Variants in BRWD1 observed in about 807,000 individuals in gnomAD.
The protein encoded by BRWD1 is bromodomain and WD repeat-containing protein 1.
In BRWD1, 82 loss-of-function variants were observed where a neutral mutation model predicts 251.2. The observed-to-expected ratio is 0.33, with a 90% CI of 0.27 to 0.39. The LOEUF is 0.39. Ranked by LOEUF, BRWD1 falls within the 10% of genes least tolerant of loss-of-function variation. The probability of loss-of-function intolerance (pLI) is 1.00; values close to 1 mark genes in which losing one functional copy is unlikely to be tolerated. For synonymous variants in BRWD1, 918 were observed against 902.8 expected (o/e 1.02, Z -0.30); for missense variants, 2,233 against 2,711.6 (o/e 0.82, Z 3.92).
At chr21:39,317,297 C>A (rs941686733), upstream of BRWD1, 21 of 152,214 alleles carry the variant, frequency 1.4e-4, no homozygotes, top group African/African-American at 5.1e-4. Context: ...ATGGAAATAA[C>A]TTTAGAGTTT....
At chr21:39,260,068 A>G (rs2034691674) in intron 17 of BRWD1, among the ~76,000 whole-genome samples, 2 of 152,170 alleles carry the variant, frequency 1.3e-5, no homozygotes, top group African/African-American at 4.8e-5. Context: ...GAAGAACTTA[A>G]AAGAGCTAAA....
intron 4 of BRWD1, among the ~76,000 whole-genome samples, chr21:39,302,196 C>T (rs1601497498): frequency 6.6e-6 from 1 of 151,564 alleles, no homozygotes. Context: ...GTTGGCCAGG[C>T]TGGTCTCGAA....
At chr21:39,260,362 C>A (rs2034701787) in intron 17 of BRWD1, among the ~76,000 whole-genome samples, 1 of 152,060 alleles carries the variant, frequency 6.6e-6, no homozygotes, top group Non-Finnish European at 1.5e-5. Context: ...TCTTGAACTC[C>A]TGAGCTCAAG....
rs535337433 is a variant in BRWD1, at chr21:39,226,734, T to C, written c.3209-1537A>G. Among the ~76,000 whole-genome samples the C allele has an allele frequency of 3.3e-5, 5 of 151,536 alleles. 1 individual carries two copies. In the East Asian group the frequency reaches 9.8e-4, roughly 30 times the overall value. On this transcript the variant is annotated intron_variant, in intron 27 of 40. Transcript: ENST00000342449. The stretch of plus-strand genomic sequence containing the variant: ...TGTAGATGTTACCAGGAGAATAATC[T>C]ATAAAGAGGAGCCACACGCCCTGAC...
chr21:39,266,302 G>T (rs946780643), intron 15 of BRWD1, among the ~76,000 whole-genome samples: 5 of 151,942 alleles, frequency 3.3e-5, no homozygotes, highest in Non-Finnish European at 4.4e-5. Flanking sequence ...AATTGTGTGT[G>T]TATATATATT....
chr21:39,210,636 A>T, intron 35 of BRWD1, 150 bp downstream of exon 35: 1 of 878,940 alleles, frequency 1.1e-6, no homozygotes, highest in Non-Finnish European at 1.6e-6. Flanking sequence ...AACTATGTAA[A>T]AACAATACTT....
At chr21:39,268,587 G>C (rs1020697994) in intron 15 of BRWD1, among the ~76,000 whole-genome samples, 3 of 151,882 alleles carry the variant, frequency 2.0e-5, no homozygotes, top group African/African-American at 7.3e-5. Flanking sequence ...AAAAATATCA[G>C]ACAAAACTGA....
intron 21 of BRWD1, among the ~76,000 whole-genome samples, chr21:39,243,543 T>G (rs2034074872): frequency 6.6e-6 from 1 of 152,126 alleles, no homozygotes; most frequent in Non-Finnish European, 1.5e-5. Flanking sequence ...CCTCCTAGGC[T>G]CAAGTGATTA....
At chr21:39,280,477 C>CT (rs1210891390) in intron 8 of BRWD1, among the ~76,000 whole-genome samples, 1 of 151,930 alleles carries the variant, frequency 6.6e-6, no homozygotes, top group African/African-American at 2.4e-5. Flanking sequence ...GCCAGAAAAA[C>CT]TTTAACAAGG....
At chr21:39,211,334 T>G (rs1194621721) in intron 34 of BRWD1, among the ~76,000 whole-genome samples, 1 of 152,200 alleles carries the variant, frequency 6.6e-6, no homozygotes, top group Non-Finnish European at 1.5e-5. Flanking sequence ...TTGCCTTACA[T>G]GAGAAAAGGT....
chr21:39,306,753 G>C (rs931253102), intron 4 of BRWD1, among the ~76,000 whole-genome samples: 1 of 152,168 alleles, frequency 6.6e-6, no homozygotes, highest in Non-Finnish European at 1.5e-5. Context: ...AGAATTGCAA[G>C]TAGTCATTTT....
Position 39,235,615 on chromosome 21 carries a change from C to A in BRWD1, c.2766+980G>T. 1.3e-5 allele frequency: 3 copies of A among 222,408 alleles called. No individual in the cohort carries two copies. The South Asian group carries it at 2.5e-4, about 19-fold the overall frequency. 13.8% of individuals were successfully genotyped at this position (222,408 alleles called of 1,614,324 possible). On this transcript the variant is annotated intron_variant, in intron 23 of 40. Coordinates refer to ENST00000342449, the MANE Select transcript of BRWD1 (RefSeq NM_033656.4). ...ATGATATCGGCTCCAAGTATCAGGT[C>A]AAAATCTCTAGGAGAAAAACTCCCC...
chr21:39,235,624 T>C (rs1011570145), intron 23 of BRWD1: 10 of 222,472 alleles, frequency 4.5e-5, no homozygotes, highest in African/African-American at 1.9e-4. Flanking sequence ...TCAAAATCTC[T>C]AGGAGAAAAA....
At chr21:39,256,122 C>G (rs907063123) in intron 18 of BRWD1, among the ~76,000 whole-genome samples, 2 of 152,186 alleles carry the variant, frequency 1.3e-5, no homozygotes, top group African/African-American at 4.8e-5. Context: ...CCCAGCCTGA[C>G]AGAATCTTAA....
intron 26 of BRWD1, among the ~76,000 whole-genome samples, chr21:39,229,039 T>C (rs1231868700): frequency 1.3e-5 from 2 of 152,136 alleles, no homozygotes; most frequent in Non-Finnish European, 2.9e-5. Flanking sequence ...CAGAAAAAAT[T>C]TGGCCCGTAT....
intron 29 of BRWD1, among the ~76,000 whole-genome samples, chr21:39,219,025 T>G (rs954265029): frequency 4.4e-5 from 5 of 113,726 alleles, no homozygotes; most frequent in Non-Finnish European, 8.9e-5. Context: ...AATTAAAATT[T>G]TTAAAAAGTC....
At chr21:39,207,451 A>AATACAC (rs375444336) in intron 36 of BRWD1, among the ~76,000 whole-genome samples, 1 of 131,288 alleles carries the variant, frequency 7.6e-6, no homozygotes, top group African/African-American at 3.0e-5. Context: ...AAAAAAAGAA[A>AATACAC]ACACACACAC....
rs1387993244 is a variant in BRWD1 at position 39,218,631 on chromosome 21, T to C, written c.3412A>G (p.Ile1138Val). The C allele has an allele frequency of 6.2e-7, 1 of 1,606,018 alleles. No homozygotes were observed. Among genetic ancestry groups the C allele is most frequent in the Non-Finnish European group, 8.5e-7 (1 of 1,178,080 alleles). ...TCTAGCTCATCTGTTGTGACAGAAA[T>C]ACTAGCTCCTAATTCTTCAGGTGGA... ...VDPPEELGAS[I>V]SVTTDELEKL... Residue 1138 changes from isoleucine (I) to valine (V), a missense_variant, in exon 30 of 41, where the codon ATT becomes GTT. This residue lies in a region of BRWD1 where 139 missense variants were observed against 272.8 expected (regional missense o/e 0.51). Transcript: ENST00000342449.
intron 36 of BRWD1, among the ~76,000 whole-genome samples, chr21:39,207,451 A>AACACACGCACACACACAC (rs2032451010): frequency 7.6e-6 from 1 of 131,288 alleles, no homozygotes; most frequent in East Asian, 2.1e-4. Context: ...AAAAAAAGAA[A>AACACACGCACACACACAC]ACACACACAC....
Sources: gnomAD v4.1 joint callset for allele counts (sites outside exome capture counted in the v4.1 genomes callset) on GRCh38, gnomAD v4.1.1 for gene constraint, gnomAD v4.1.1 regional missense constraint, MANE v1.5 for transcripts, NCBI Gene and HGNC (gene_info 2026-07-23, HGNC 2026-07-21) for gene names.